Variants in BMERB1 observed in about 807,000 individuals in gnomAD.
The protein encoded by BMERB1 is bMERB domain-containing protein 1.
A neutral mutation model predicts 23.6 loss-of-function variants in BMERB1; 12 were observed. The ratio of observed to expected loss-of-function variants is 0.51; its 90% confidence interval spans 0.33 to 0.82. The LOEUF (loss-of-function observed/expected upper bound fraction) is 0.82. Among genes scored for constraint, BMERB1 ranks in the 40% least tolerant of loss-of-function variants. BMERB1 has a pLI of 0.03. For missense variants in BMERB1, 247 were observed against 255.4 expected, an observed-to-expected ratio of 0.97 and a Z score of 0.22; for synonymous variants, 122 against 96.6, an observed-to-expected ratio of 1.26 and a Z score of -1.54.
At chr16:15,557,702 C>T (rs1180487895) in intron 2 of BMERB1, among the ~76,000 whole-genome samples, 1 of 152,082 alleles carries the variant, frequency 6.6e-6, no homozygotes, top group East Asian at 1.9e-4. Context: ...TGGGACAGCC[C>T]CAGGCAAACC....
At chr16:15,468,758 G>GC (rs1370161244) in intron 1 of BMERB1, among the ~76,000 whole-genome samples, 1 of 151,918 alleles carries the variant, frequency 6.6e-6, no homozygotes, top group Admixed American at 6.6e-5. Context: ...GGAACTCTTT[G>GC]CCCCCCTTTA....
At chr16:15,558,232 G>T (rs1238764406) in intron 2 of BMERB1, among the ~76,000 whole-genome samples, 1 of 152,030 alleles carries the variant, frequency 6.6e-6, no homozygotes, top group Non-Finnish European at 1.5e-5. Context: ...TTTGGCAAAA[G>T]AAAAGAATTT....
chr16:15,586,721 C>T lies in BMERB1; in HGVS notation c.507C>T (p.Ser169=), dbSNP rs368962560. ...LDKVTKSPAS[S]RAEKKAEPPP... ...TGTGCCCACATCTTGCTGCAGGCTC[C>T]CGGGCAGAGAAGAAAGCAGAGCCCC... Residue 169 remains serine, a synonymous_variant, in exon 6 of 6, where the codon TCC becomes TCT. Coordinates refer to ENST00000300006, the MANE Select transcript of BMERB1 (RefSeq NM_033201.3). 114 of 1,608,458 alleles carry T rather than the reference C, an allele frequency of 7.1e-5. No homozygotes were observed. The Middle Eastern group carries it at 8.3e-4, about 12-fold the overall frequency.
intron 2 of BMERB1, among the ~76,000 whole-genome samples, chr16:15,538,468 G>A (rs1355618517): frequency 2.0e-5 from 3 of 150,644 alleles, no homozygotes; most frequent in Non-Finnish European, 4.4e-5. Context: ...AAAAAAAAAA[G>A]GCTCTTAGAT....
At chr16:15,520,394 G>A (rs2051836182) in intron 2 of BMERB1, among the ~76,000 whole-genome samples, 1 of 151,946 alleles carries the variant, frequency 6.6e-6, no homozygotes, top group Non-Finnish European at 1.5e-5. Context: ...TGTGTGTGGT[G>A]GAACTTGGAC....
chr16:15,503,431 G>A (rs2051550884), intron 1 of BMERB1, among the ~76,000 whole-genome samples: 1 of 147,694 alleles, frequency 6.8e-6, no homozygotes, highest in Non-Finnish European at 1.5e-5. Flanking sequence ...ACAGGCGCCT[G>A]CCACCACGCC....
At chr16:15,443,170 C>T (rs2050955958) in intron 1 of BMERB1, among the ~76,000 whole-genome samples, 1 of 151,956 alleles carries the variant, frequency 6.6e-6, no homozygotes, top group African/African-American at 2.4e-5. Context: ...ATCACTTGAA[C>T]CGGGGAGGCA....
intron 2 of BMERB1, among the ~76,000 whole-genome samples, chr16:15,560,084 TAGAGAG>T (rs372299871): frequency 6.7e-6 from 1 of 149,948 alleles, no homozygotes; most frequent in Non-Finnish European, 1.5e-5. Flanking sequence ...GTGGAGGAGG[TAGAGAG>T]AGAGAGAGAA....
chr16:15,477,747 T>G (rs549928321), intron 1 of BMERB1, among the ~76,000 whole-genome samples: 2 of 151,868 alleles, frequency 1.3e-5, no homozygotes, highest in South Asian at 4.2e-4. Context: ...TGGTTCCAGG[T>G]CAGAGGCTTT....
chr16:15,515,168 T>C (rs1598486281), intron 1 of BMERB1, 137 bp from the exon 2 acceptor site: 2 of 1,172,982 alleles, frequency 1.7e-6, no homozygotes, highest in East Asian at 2.5e-5. Flanking sequence ...CGAATACACA[T>C]TTGTGGCACA....
At chr16:15,543,980 C>G (rs577274344) in intron 2 of BMERB1, among the ~76,000 whole-genome samples, 13 of 152,088 alleles carry the variant, frequency 8.5e-5, no homozygotes, top group Non-Finnish European at 1.9e-4. Context: ...GACCTGCCCA[C>G]GGATGATTAA....
intron 1 of BMERB1, among the ~76,000 whole-genome samples, chr16:15,510,650 A>G (rs1474986411): frequency 6.6e-6 from 1 of 152,084 alleles, no homozygotes; most frequent in East Asian, 1.9e-4. Flanking sequence ...CTGATCTGGT[A>G]AGGCTGGTCT....
At chr16:15,548,498 C>A (rs1021554442) in intron 2 of BMERB1, among the ~76,000 whole-genome samples, 11 of 152,168 alleles carry the variant, frequency 7.2e-5, no homozygotes, top group Non-Finnish European at 1.6e-4. Context: ...AGTTGTTCAA[C>A]TGTGGGTAGC....
intron 2 of BMERB1, among the ~76,000 whole-genome samples, chr16:15,542,607 G>A (rs908470737): frequency 5.3e-5 from 8 of 150,278 alleles, no homozygotes; most frequent in Admixed American, 2.0e-4. Context: ...CCACACTAGT[G>A]GCTTAATGAA....
intron 1 of BMERB1, among the ~76,000 whole-genome samples, chr16:15,493,475 A>G (rs2051442238): frequency 6.6e-6 from 1 of 152,148 alleles, no homozygotes; most frequent in South Asian, 2.1e-4. Flanking sequence ...TAAATCCCCT[A>G]AGGATTTCCA....
At chr16:15,495,014 G>C (rs2051460113) in intron 1 of BMERB1, among the ~76,000 whole-genome samples, 1 of 149,780 alleles carries the variant, frequency 6.7e-6, no homozygotes. Flanking sequence ...CTCCAGAGTA[G>C]CTGGGATTAC....
At chr16:15,534,490 G>A (rs902919167) in intron 2 of BMERB1, among the ~76,000 whole-genome samples, 2 of 151,808 alleles carry the variant, frequency 1.3e-5, no homozygotes, top group African/African-American at 2.4e-5. Context: ...GGAGGAAGAC[G>A]TTGCAGTGAG....
intron 1 of BMERB1, 149 bp downstream of exon 1, chr16:15,434,908 C>A (rs1404423002): frequency 3.0e-6 from 2 of 669,214 alleles, no homozygotes; most frequent in East Asian, 2.8e-5. Context: ...ATACGCAGCT[C>A]TGCGCAGCGA....
intron 2 of BMERB1, among the ~76,000 whole-genome samples, chr16:15,545,388 G>C (rs2052123987): frequency 1.3e-5 from 2 of 152,192 alleles, no homozygotes; most frequent in South Asian, 2.1e-4. Context: ...TCACTAAAGT[G>C]ATATATGATG....
Sources: gnomAD v4.1 joint callset for allele counts (sites outside exome capture counted in the v4.1 genomes callset) on GRCh38, gnomAD v4.1.1 for gene constraint, MANE v1.5 for transcripts, NCBI Gene and HGNC (gene_info 2026-07-23, HGNC 2026-07-21) for gene names.